POU1F1: variants seen among roughly 807,000 people sequenced by gnomAD.
POU1F1 encodes pituitary-specific positive transcription factor 1.
POU1F1 carries 23 observed loss-of-function variants against 32.3 expected under a neutral mutation model. The observed-to-expected ratio is 0.71, with a 90% CI of 0.51 to 1.01. The LOEUF (loss-of-function observed/expected upper bound fraction) is 1.01, where lower values mean the gene tolerates loss of function less well. POU1F1 is among the 50% of genes least tolerant of loss of function. POU1F1 has a pLI of 0.00. For synonymous variants in POU1F1, 120 were observed against 115.6 expected, an observed-to-expected ratio of 1.04 and a Z score of -0.25; for missense variants, 323 against 341.6, an observed-to-expected ratio of 0.95 and a Z score of 0.43.
At chr3:87,272,102 T>A (rs1337512770) in intron 2 of POU1F1, among the ~76,000 whole-genome samples, 2 of 151,786 alleles carry the variant, frequency 1.3e-5, no homozygotes, top group Non-Finnish European at 2.9e-5. Context: ...ACTGCTTATC[T>A]GTATCATAAC....
chr3:87,271,939 A>G (rs1385585340), intron 2 of POU1F1, among the ~76,000 whole-genome samples: 2 of 152,152 alleles, frequency 1.3e-5, no homozygotes, highest in African/African-American at 4.8e-5. Flanking sequence ...TTTCTGGATT[A>G]TTATTTTAAA....
intron 2 of POU1F1, among the ~76,000 whole-genome samples, chr3:87,267,529 C>G (rs1001882758): frequency 6.6e-6 from 1 of 152,126 alleles, no homozygotes; most frequent in Non-Finnish European, 1.5e-5. Context: ...AAACACTGTT[C>G]CACAAAAATA....
In POU1F1 at chr3:87,271,683, A is replaced by G. The variant is rs992745861; in HGVS notation, c.214+1664T>C. Among the ~76,000 whole-genome samples the G allele has an allele frequency of 5.9e-5, 9 of 152,156 alleles. No individual in the cohort carries two copies. In the East Asian group the frequency reaches 1.5e-3, roughly 26 times the overall value. ...AAACGCATTTATTTTACTATTTTAT[A>G]ATGACAGTAGTTCATCATTGAGGAG... On this transcript the variant is annotated intron_variant, in intron 2 of 5. Coordinates refer to ENST00000350375, the MANE Select transcript of POU1F1 (RefSeq NM_000306.4).
At chr3:87,276,296 T>C (rs769482604) in intron 1 of POU1F1, 25 bp downstream of exon 1, 21 of 1,611,144 alleles carry the variant, frequency 1.3e-5, no homozygotes, top group South Asian at 5.5e-5. Flanking sequence ...CCCGGTCATA[T>C]GTAAACTGTC....
At chr3:87,261,365 C>T in intron 4 of POU1F1, 32 bp from the exon 5 acceptor site, 1 of 1,484,390 alleles carries the variant, frequency 6.7e-7, no homozygotes, top group Non-Finnish European at 9.3e-7. Flanking sequence ...TAATTACAAA[C>T]ACAAAGTAGA....
At chr3:87,272,710 C>T (rs1706749908) in intron 2 of POU1F1, among the ~76,000 whole-genome samples, 1 of 152,132 alleles carries the variant, frequency 6.6e-6, no homozygotes, top group Non-Finnish European at 1.5e-5. Context: ...TTCAATCTCA[C>T]TTAAGACTCA....
intron 1 of POU1F1, 94 bp from the exon 2 acceptor site, chr3:87,273,512 AT>A: frequency 6.4e-7 from 1 of 1,573,918 alleles, no homozygotes; most frequent in Non-Finnish European, 8.6e-7. Context: ...AAGAAAATGT[AT>A]AAGGATTCAA....
At chr3:87,273,637 G>A in intron 1 of POU1F1, 1 of 780,334 alleles carries the variant, frequency 1.3e-6, no homozygotes, top group Middle Eastern at 2.9e-4. Flanking sequence ...AACTAGGGGG[G>A]ATCAAAGTTT....
intron 3 of POU1F1, among the ~76,000 whole-genome samples, chr3:87,262,623 A>G (rs576661727): frequency 6.6e-6 from 1 of 152,190 alleles, no homozygotes; most frequent in Non-Finnish European, 1.5e-5. Flanking sequence ...ATTAACTATA[A>G]TGCATAAAAT....
intron 2 of POU1F1, among the ~76,000 whole-genome samples, chr3:87,265,876 A>G (rs902740078): frequency 6.6e-6 from 1 of 151,920 alleles, no homozygotes; most frequent in Admixed American, 6.6e-5. Flanking sequence ...CCAATGTGCC[A>G]CATAGAAGGA....
chr3:87,261,369 A>C, intron 4 of POU1F1, 36 bp from the exon 5 acceptor site: 2 of 1,466,050 alleles, frequency 1.4e-6, no homozygotes, highest in South Asian at 2.4e-5. Flanking sequence ...TACAAACACA[A>C]AGTAGACTTT....
At chr3:87,261,958 GAAAAGGCGGA>G (rs1450704791) in intron 4 of POU1F1, 103 bp downstream of exon 4, 11 of 1,264,916 alleles carry the variant, frequency 8.7e-6, no homozygotes, top group Non-Finnish European at 1.0e-5. Flanking sequence ...ATCTCAAAGA[GAAAAGGCGGA>G]AAAAAACCCC....
At chr3:87,264,266 G>C (rs371191223) in intron 3 of POU1F1, 22 bp downstream of exon 3, 18 of 1,572,526 alleles carry the variant, frequency 1.1e-5, no homozygotes, top group African/African-American at 4.1e-5. Context: ...TCTTTTTCCT[G>C]TTGCCTTTAA....
At position 87,270,272 on chromosome 3, in the gene POU1F1, C is replaced by A. The variant is rs888434128; in HGVS notation, c.214+3075G>T. Among the ~76,000 whole-genome samples, 16 of 152,214 alleles carry A rather than the reference C, an allele frequency of 1.1e-4. 1 individual carries two copies. Among genetic ancestry groups the A allele is most frequent in the Admixed American group, 7.9e-4 (12 of 15,274 alleles). On this transcript the variant is annotated intron_variant, in intron 2 of 5. Transcript: ENST00000350375. Reference sequence around the variant, plus strand: ...ACTCAACCCCAGTAGAGTTGTAGTACCCACCACAACGTAGATATGAAGAGA... The same window carrying A: ...ACTCAACCCCAGTAGAGTTGTAGTAACCACCACAACGTAGATATGAAGAGA...
chr3:87,269,059 G>A lies in POU1F1; in HGVS notation c.214+4288C>T, dbSNP rs527904540. On this transcript the variant is annotated intron_variant, in intron 2 of 5. Transcript: ENST00000350375. ...GAAGCAGAGGGACATAGTAAAATAC[G>A]CCACCCTGCTGTGCTTGTAACATGC... 3.9e-5 allele frequency among the ~76,000 whole-genome samples: 6 copies of A among 152,130 alleles called. No homozygotes were observed. The East Asian group carries it at 1.2e-3, about 29-fold the overall frequency.
chr3:87,274,743 A>G (rs1283792674), intron 1 of POU1F1, among the ~76,000 whole-genome samples: 1 of 151,630 alleles, frequency 6.6e-6, no homozygotes, highest in Non-Finnish European at 1.5e-5. Context: ...TTAGATGTAT[A>G]TGATTCAAAT....
chr3:87,267,442 G>A (rs1706640490), intron 2 of POU1F1, among the ~76,000 whole-genome samples: 1 of 152,142 alleles, frequency 6.6e-6, no homozygotes, highest in Non-Finnish European at 1.5e-5. Flanking sequence ...TCTCCAGGCA[G>A]TCTATACTCA....
intron 2 of POU1F1, 40 bp from the exon 3 acceptor site, chr3:87,264,552 G>T: frequency 6.9e-7 from 1 of 1,444,254 alleles, no homozygotes; most frequent in African/African-American, 1.4e-5. Context: ...AAGACCATTT[G>T]TCATTCTCCT....
At chr3:87,269,839 C>T (rs1040310229) in intron 2 of POU1F1, among the ~76,000 whole-genome samples, 8 of 152,116 alleles carry the variant, frequency 5.3e-5, no homozygotes, top group Admixed American at 4.6e-4. Flanking sequence ...GACTTTCACA[C>T]TACTTCTTGG....
Sources: gnomAD v4.1 joint callset for allele counts (sites outside exome capture counted in the v4.1 genomes callset) on GRCh38, gnomAD v4.1.1 for gene constraint, MANE v1.5 for transcripts, NCBI Gene and HGNC (gene_info 2026-07-23, HGNC 2026-07-21) for gene names.